Variants in SPIRE1 observed in about 807,000 individuals in gnomAD.
The protein encoded by SPIRE1 is protein spire homolog 1.
Under a neutral mutation model 94.1 loss-of-function variants are expected in SPIRE1, and 40 were observed. That is an observed-to-expected ratio of 0.43 (90% CI 0.33 to 0.55). The LOEUF is 0.55. Among genes scored for constraint, SPIRE1 ranks in the 20% least tolerant of loss-of-function variants. The probability of loss-of-function intolerance (pLI) is 0.06; values close to 1 mark genes in which losing one functional copy is unlikely to be tolerated. For missense variants in SPIRE1, 838 were observed against 975.2 expected, an observed-to-expected ratio of 0.86 and a Z score of 1.87; for synonymous variants, 376 against 371.7, an observed-to-expected ratio of 1.01 and a Z score of -0.13.
chr18:12,517,002 A>G (rs1208165710), intron 4 of SPIRE1, among the ~76,000 whole-genome samples: 1 of 152,248 alleles, frequency 6.6e-6, no homozygotes, highest in Non-Finnish European at 1.5e-5. Flanking sequence ...TTTCTGAACA[A>G]TAGCACAAAC....
At chr18:12,650,887 A>AT (rs2038361292) in intron 1 of SPIRE1, among the ~76,000 whole-genome samples, 1 of 151,872 alleles carries the variant, frequency 6.6e-6, no homozygotes, top group African/African-American at 2.4e-5. Context: ...AAAAAAAAAA[A>AT]AAAAAAAAGT....
At chr18:12,494,643 C>T (rs528640714) in intron 7 of SPIRE1, among the ~76,000 whole-genome samples, 2 of 150,578 alleles carry the variant, frequency 1.3e-5, no homozygotes, top group South Asian at 4.2e-4. Context: ...TCCTGGCTAA[C>T]ACGGTGAAAC....
At chr18:12,455,218 G>A (rs567615156) in intron 12 of SPIRE1, among the ~76,000 whole-genome samples, 9 of 152,206 alleles carry the variant, frequency 5.9e-5, no homozygotes, top group Admixed American at 1.3e-4. Context: ...GATTACAGGC[G>A]TGAGCCACCA....
At chr18:12,623,836 C>G (rs1193319882) in intron 2 of SPIRE1, among the ~76,000 whole-genome samples, 1 of 152,118 alleles carries the variant, frequency 6.6e-6, no homozygotes, top group Non-Finnish European at 1.5e-5. Context: ...CCATATTGGC[C>G]AGGCTGGTCT....
At chr18:12,575,907 T>A (rs890163716) in intron 2 of SPIRE1, among the ~76,000 whole-genome samples, 2 of 152,176 alleles carry the variant, frequency 1.3e-5, no homozygotes, top group African/African-American at 4.8e-5. Flanking sequence ...AAACTGATTT[T>A]AAAATGTATA....
intron 2 of SPIRE1, among the ~76,000 whole-genome samples, chr18:12,551,737 G>C (rs1181580862): frequency 1.3e-5 from 2 of 151,708 alleles, no homozygotes; most frequent in African/African-American, 2.4e-5. Flanking sequence ...GAGAGGGGTG[G>C]AGCAAGAGAG....
intron 4 of SPIRE1, among the ~76,000 whole-genome samples, chr18:12,512,876 C>A (rs1358940512): frequency 6.6e-6 from 1 of 150,966 alleles, no homozygotes; most frequent in African/African-American, 2.4e-5. Flanking sequence ...CTGAAGCAAT[C>A]TGATCCCGGA....
intron 2 of SPIRE1, among the ~76,000 whole-genome samples, chr18:12,621,216 G>A (rs1745186889): frequency 6.6e-6 from 1 of 152,162 alleles, no homozygotes; most frequent in African/African-American, 2.4e-5. Flanking sequence ...GAATCAAGAA[G>A]TCAGATAATA....
At position 12,463,450 on chromosome 18, in the gene SPIRE1, C is replaced by T. The variant is rs2031957100; in HGVS notation, c.1539G>A (p.Glu513=). 1 of 1,613,966 alleles carries T rather than the reference C, an allele frequency of 6.2e-7. No individual in the cohort carries two copies. The highest frequency in any genetic ancestry group is 2.2e-5 in the East Asian group (1 of 44,890). ...GTCGTCTCTGGGGTGGCTGCCGTCTCTCTGGCTGGGGTGTTGATGATATGG... is the reference window on the plus strand; with the variant it reads ...GTCGTCTCTGGGGTGGCTGCCGTCTTTCTGGCTGGGGTGTTGATGATATGG... ...FLPISSTPQP[E]RRQPPQRRHS... The change falls in exon 12 of 17, where the codon GAG becomes GAA. Residue 513 remains glutamate (E), a synonymous_variant. Coordinates refer to ENST00000409402, the MANE Select transcript of SPIRE1 (RefSeq NM_001128626.2).
intron 2 of SPIRE1, among the ~76,000 whole-genome samples, chr18:12,548,948 T>G (rs2035255223): frequency 6.6e-6 from 1 of 152,196 alleles, no homozygotes; most frequent in African/African-American, 2.4e-5. Context: ...ACAATGGATC[T>G]TCTAAGTTCC....
chr18:12,569,156 C>A (rs568695582), intron 2 of SPIRE1, among the ~76,000 whole-genome samples: 6 of 151,986 alleles, frequency 3.9e-5, no homozygotes, highest in Non-Finnish European at 8.8e-5. Flanking sequence ...CTGGCTAACA[C>A]GGTGAAACCC....
At chr18:12,582,664 G>A (rs2036286159) in intron 2 of SPIRE1, among the ~76,000 whole-genome samples, 3 of 152,088 alleles carry the variant, frequency 2.0e-5, no homozygotes, top group Non-Finnish European at 4.4e-5. Context: ...CTTAACACAT[G>A]TATATCCAGG....
At chr18:12,519,243 T>C (rs1164166169) in intron 4 of SPIRE1, among the ~76,000 whole-genome samples, 1 of 152,222 alleles carries the variant, frequency 6.6e-6, no homozygotes, top group Non-Finnish European at 1.5e-5. Context: ...AAACTATAGA[T>C]GAAGTCATAA....
chr18:12,449,336 G>A lies in SPIRE1; in HGVS notation c.*302C>T. 1 of 328,540 alleles carries A rather than the reference G, an allele frequency of 3.0e-6. No homozygotes were observed. Among genetic ancestry groups the A allele is most frequent in the South Asian group, 4.6e-5 (1 of 21,900 alleles). The allele number at this position is 328,540 out of a possible 1,614,324, so 20.4% of individuals were successfully genotyped here. A position where few individuals can be genotyped will look rare whatever the true frequency, so the allele number is the denominator to read the frequency against. On this transcript the variant is annotated 3_prime_UTR_variant, in exon 17 of 17. Transcript: ENST00000409402. ...TTGCCTTAGTCAGGAGATTATTCGAGGAACAGTAAAGAACTGAACTAAGGA... is the reference window on the plus strand; with the variant it reads ...TTGCCTTAGTCAGGAGATTATTCGAAGAACAGTAAAGAACTGAACTAAGGA...
intron 4 of SPIRE1, among the ~76,000 whole-genome samples, chr18:12,533,862 A>T (rs926380755): frequency 4.6e-5 from 7 of 151,246 alleles, no homozygotes; most frequent in African/African-American, 1.7e-4. Flanking sequence ...GTGCCTTTGG[A>T]TGTTCACTTT....
chr18:12,471,817 C>G (rs1043978407), intron 10 of SPIRE1, among the ~76,000 whole-genome samples: 1 of 152,176 alleles, frequency 6.6e-6, no homozygotes, highest in Non-Finnish European at 1.5e-5. Flanking sequence ...GAGAGTCTTG[C>G]TCTGTCACCC....
At chr18:12,589,081 T>G (rs1251405234) in intron 2 of SPIRE1, among the ~76,000 whole-genome samples, 1 of 152,226 alleles carries the variant, frequency 6.6e-6, no homozygotes, top group African/African-American at 2.4e-5. Context: ...TGACATCTAC[T>G]GAGCTTCTAT....
chr18:12,478,488 G>T (rs1368242818), intron 10 of SPIRE1, among the ~76,000 whole-genome samples: 3 of 150,702 alleles, frequency 2.0e-5, no homozygotes, highest in African/African-American at 7.3e-5. Flanking sequence ...TGTAGCTAGG[G>T]GAGGTGTGTA....
In SPIRE1 at chr18:12,522,603, G is replaced by C. The variant is rs541538546; in HGVS notation, c.730-10072C>G. Reference sequence around the variant, plus strand: ...ACCATCTGGGACTTTCATAGCTAGAGAGAAATCAGTGCTTGGCTTCAAAGC... The same window carrying C: ...ACCATCTGGGACTTTCATAGCTAGACAGAAATCAGTGCTTGGCTTCAAAGC... On this transcript the variant is annotated intron_variant, in intron 4 of 16. Transcript: ENST00000409402. 6.6e-4 allele frequency among the ~76,000 whole-genome samples: 101 copies of C among 152,318 alleles called. 1 individual carries two copies. Among genetic ancestry groups the C allele is most frequent in the African/African-American group, 2.4e-3 (99 of 41,580 alleles).
Sources: gnomAD v4.1 joint callset for allele counts (sites outside exome capture counted in the v4.1 genomes callset) on GRCh38, gnomAD v4.1.1 for gene constraint, MANE v1.5 for transcripts, NCBI Gene and HGNC (gene_info 2026-07-23, HGNC 2026-07-21) for gene names.